DOCK5: variants seen among roughly 807,000 people sequenced by gnomAD.
DOCK5 encodes the protein dedicator of cytokinesis 5.
DOCK5 carries 142 observed loss-of-function variants against 251.8 expected under a neutral mutation model. That is an observed-to-expected ratio of 0.56 (90% CI 0.49 to 0.65). DOCK5 has a LOEUF of 0.65. DOCK5 is among the 30% of genes least tolerant of loss of function. DOCK5 has a pLI of 0.00. For missense variants in DOCK5, 2,111 were observed against 2,312.3 expected (o/e 0.91, Z 1.79); for synonymous variants, 842 against 835.5 (o/e 1.01, Z -0.13).
chr8:25,273,967 G>A (rs890821892), intron 3 of DOCK5, among the ~76,000 whole-genome samples: 1 of 152,160 alleles, frequency 6.6e-6, no homozygotes, highest in African/African-American at 2.4e-5. Context: ...TCAAAGCGAG[G>A]AGGAGAAGGG....
chr8:25,233,093 C>A (rs1464987212), intron 1 of DOCK5, among the ~76,000 whole-genome samples: 1 of 152,088 alleles, frequency 6.6e-6, no homozygotes, highest in Non-Finnish European at 1.5e-5. Flanking sequence ...CCACCTTGAC[C>A]CCCCTGAATT....
chr8:25,332,171 C>T lies in DOCK5; in HGVS notation c.1904-80C>T, dbSNP rs537112738. On this transcript the variant is annotated intron_variant, in intron 18 of 51. Coordinates refer to ENST00000276440, the MANE Select transcript of DOCK5 (RefSeq NM_024940.8). Reference sequence around the variant, plus strand: ...CCACTATTGAGAGCAATTACCTGTTCTAGAGAATTCTTTAGCTATGTCCTG... The same window carrying T: ...CCACTATTGAGAGCAATTACCTGTTTTAGAGAATTCTTTAGCTATGTCCTG... 4.9e-5 allele frequency: 52 copies of T among 1,059,316 alleles called. No homozygotes were observed. The Admixed American group carries it at 7.6e-4, about 15-fold the overall frequency. 65.6% of individuals were successfully genotyped at this position (1,059,316 alleles called of 1,614,324 possible).
Position 25,389,111 on chromosome 8 carries a change from G to A in DOCK5, c.4152G>A (p.Arg1384=). 6.2e-7 allele frequency: 1 copy of A among 1,613,856 alleles called. No individual in the cohort carries two copies. The highest frequency in any genetic ancestry group is 8.5e-7 in the Non-Finnish European group (1 of 1,179,848). ...TGCAGAATAAAATCTTCATCTATCG[G>A]GGAAAGGAGTATGAGAGGCGAGAGG... ...SFLRNKIFIY[R]GKEYERREDF... is the part of the protein sequence containing the mutation. The change falls in exon 41 of 52, where the codon CGG becomes CGA. Residue 1384 remains arginine, a synonymous_variant. Coordinates refer to ENST00000276440, the MANE Select transcript of DOCK5 (RefSeq NM_024940.8).
At chr8:25,220,596 A>G (rs1424028637) in intron 1 of DOCK5, among the ~76,000 whole-genome samples, 1 of 151,916 alleles carries the variant, frequency 6.6e-6, no homozygotes, top group Non-Finnish European at 1.5e-5. Flanking sequence ...AGGCCGGAAC[A>G]TCTCTCATTC....
At chr8:25,275,488 C>G in intron 4 of DOCK5, 47 bp downstream of exon 4, 3 of 1,524,988 alleles carry the variant, frequency 2.0e-6, no homozygotes, top group Non-Finnish European at 2.7e-6. Flanking sequence ...GAAGATGTAA[C>G]ATTATCATTA....
chr8:25,254,503 C>T (rs930194826), intron 2 of DOCK5, among the ~76,000 whole-genome samples: 1 of 151,898 alleles, frequency 6.6e-6, no homozygotes, highest in Non-Finnish European at 1.5e-5. Context: ...AGGGTGGGCC[C>T]AGTGGCTCAC....
intron 1 of DOCK5, among the ~76,000 whole-genome samples, chr8:25,226,912 A>G (rs73216239): frequency 0.016 from 2,393 of 152,282 alleles, 31 homozygotes; most frequent in Non-Finnish European, 0.022. Context: ...CATACCATGG[A>G]CATCTTTCCA....
At chr8:25,204,453 C>T (rs1801952072) in intron 1 of DOCK5, among the ~76,000 whole-genome samples, 1 of 152,122 alleles carries the variant, frequency 6.6e-6, no homozygotes, top group South Asian at 2.1e-4. Context: ...TTTTCTATTA[C>T]CTTCTAGATT....
At chr8:25,320,185 C>G (rs184289348) in intron 15 of DOCK5, among the ~76,000 whole-genome samples, 309 of 152,294 alleles carry the variant, frequency 2.0e-3, no homozygotes, top group African/African-American at 7.3e-3. Flanking sequence ...GATCCTAGAG[C>G]TGACTGGTAT....
intron 17 of DOCK5, among the ~76,000 whole-genome samples, chr8:25,324,625 A>G (rs1194869697): frequency 6.6e-6 from 1 of 152,208 alleles, no homozygotes; most frequent in African/African-American, 2.4e-5. Flanking sequence ...TCTTCCATCA[A>G]CCCAATAAAG....
intron 14 of DOCK5, 121 bp downstream of exon 14, chr8:25,317,252 G>T: frequency 1.4e-6 from 2 of 1,454,612 alleles, no homozygotes; most frequent in Admixed American, 2.1e-5. Flanking sequence ...CCTGAGAAAA[G>T]AAATATAAAG....
chr8:25,282,909 A>G (rs1229639484), intron 5 of DOCK5, among the ~76,000 whole-genome samples: 1 of 137,264 alleles, frequency 7.3e-6, no homozygotes, highest in East Asian at 2.4e-4. Flanking sequence ...GAAATCCCAC[A>G]TTTCTATAGT....
intron 20 of DOCK5, 45 bp downstream of exon 20, chr8:25,332,737 G>A: frequency 6.9e-7 from 1 of 1,440,042 alleles, no homozygotes; most frequent in Non-Finnish European, 9.5e-7. Flanking sequence ...TTGCAACTTT[G>A]TAGTTTTCAA....
chr8:25,329,473 G>A (rs549583483), intron 18 of DOCK5, among the ~76,000 whole-genome samples: 1 of 152,060 alleles, frequency 6.6e-6, no homozygotes, highest in Non-Finnish European at 1.5e-5. Context: ...TAATTGAACT[G>A]TCTAATTGAA....
chr8:25,340,865 T>G lies in DOCK5; in HGVS notation c.2328-12T>G. The G allele has an allele frequency of 6.2e-7, 1 of 1,609,934 alleles. No homozygotes were observed. Among genetic ancestry groups the G allele is most frequent in the Non-Finnish European group, 8.5e-7 (1 of 1,177,554 alleles). On this transcript the variant is annotated splice_polypyrimidine_tract_variant and intron_variant, in intron 22 of 51. Transcript: ENST00000276440. ...TGGAAAGTCCAACTGCTTTTGTCTT[T>G]TTCCTATTAAGATTTTATGGGCAGA...
chr8:25,397,411 G>C (rs1377988923), intron 45 of DOCK5, among the ~76,000 whole-genome samples: 1 of 152,136 alleles, frequency 6.6e-6, no homozygotes, highest in Non-Finnish European at 1.5e-5. Context: ...TTCATGGGTG[G>C]TGACATCTAT....
chr8:25,303,282 C>T (rs981082270), intron 10 of DOCK5, among the ~76,000 whole-genome samples: 9 of 152,126 alleles, frequency 5.9e-5, no homozygotes, highest in African/African-American at 2.2e-4. Context: ...CCTTAGTGCC[C>T]AACACTGTGT....
intron 27 of DOCK5, among the ~76,000 whole-genome samples, chr8:25,356,896 C>A (rs2956655): frequency 0.97 from 139,760 of 144,072 alleles, 67,883 homozygotes; most frequent in Middle Eastern, 1. Context: ...TTAAATCCCT[C>A]TATATGAAGA....
chr8:25,244,643 G>A (rs975133499), intron 2 of DOCK5, among the ~76,000 whole-genome samples: 5 of 152,196 alleles, frequency 3.3e-5, no homozygotes, highest in African/African-American at 4.8e-5. Context: ...GATGGTCCGC[G>A]AGGACCCCGT....
Sources: allele counts gnomAD v4.1 joint callset (sites outside exome capture counted in the v4.1 genomes callset), GRCh38; gene constraint gnomAD v4.1.1; transcripts MANE v1.5; gene names NCBI Gene and HGNC (gene_info 2026-07-23, HGNC 2026-07-21).